Variants in GALNTL6 observed in about 807,000 individuals in gnomAD.
GALNTL6 encodes polypeptide N-acetylgalactosaminyltransferase like 6.
A neutral mutation model predicts 73.7 loss-of-function variants in GALNTL6; 46 were observed. The observed-to-expected ratio is 0.62, with a 90% confidence interval of 0.49 to 0.80. GALNTL6 has a LOEUF of 0.80. Ranked by LOEUF, GALNTL6 falls within the 30% of genes least tolerant of loss-of-function variation. The pLI, the probability that GALNTL6 is intolerant of heterozygous loss-of-function variation, is 0.00. For missense variants in GALNTL6, 604 were observed against 755.0 expected (o/e 0.80, Z 2.34); for synonymous variants, 259 against 263.7 (o/e 0.98, Z 0.17).
intron 5 of GALNTL6, among the ~76,000 whole-genome samples, chr4:172,502,868 CCTT>C (rs1309878405): frequency 6.6e-6 from 1 of 152,134 alleles, no homozygotes; most frequent in East Asian, 1.9e-4. Context: ...AGCAGCATGG[CCTT>C]CTTACACTTT....
At chr4:172,712,689 T>C (rs1288275043) in intron 5 of GALNTL6, among the ~76,000 whole-genome samples, 1 of 152,196 alleles carries the variant, frequency 6.6e-6, no homozygotes, top group Non-Finnish European at 1.5e-5. Flanking sequence ...CTGTGCCATT[T>C]GTGAAACAAG....
At chr4:172,751,092 A>G (rs1246810238) in intron 5 of GALNTL6, among the ~76,000 whole-genome samples, 2 of 152,186 alleles carry the variant, frequency 1.3e-5, no homozygotes, top group African/African-American at 4.8e-5. Context: ...GTTGAGGCAT[A>G]TGTGGTTTGT....
Position 172,432,896 on chromosome 4 carries a change from A to G in GALNTL6, c.553+84207A>G, listed in dbSNP as rs576908626. On this transcript the variant is annotated intron_variant, in intron 5 of 12. Coordinates refer to ENST00000506823, the MANE Select transcript of GALNTL6 (RefSeq NM_001034845.3). ...GCTGGATAGCTTTACAATACTATCAATCTAACTTTTACCTTCTATTAATAT... is the reference window on the plus strand; with the variant it reads ...GCTGGATAGCTTTACAATACTATCAGTCTAACTTTTACCTTCTATTAATAT... 5.3e-5 allele frequency among the ~76,000 whole-genome samples: 8 copies of G among 152,322 alleles called. No individual in the cohort carries two copies. In the East Asian group the frequency reaches 5.8e-4, roughly 11 times the overall value.
chr4:172,075,825 A>C (rs923776905), intron 2 of GALNTL6, among the ~76,000 whole-genome samples: 1 of 152,190 alleles, frequency 6.6e-6, no homozygotes, highest in Admixed American at 6.5e-5. Flanking sequence ...AATCATATAG[A>C]ACAATACAGA....
intron 5 of GALNTL6, among the ~76,000 whole-genome samples, chr4:172,393,644 A>G (rs1014118253): frequency 6.6e-6 from 1 of 152,208 alleles, no homozygotes; most frequent in Admixed American, 6.5e-5. Context: ...TACAAATGAC[A>G]TATATTTTTG....
chr4:172,357,542 T>A (rs997846946), intron 5 of GALNTL6, among the ~76,000 whole-genome samples: 1 of 151,852 alleles, frequency 6.6e-6, no homozygotes, highest in Non-Finnish European at 1.5e-5. Context: ...TAAATACACA[T>A]CCTTTATTTT....
intron 5 of GALNTL6, among the ~76,000 whole-genome samples, chr4:172,503,786 C>T (rs141627479): frequency 6.6e-5 from 10 of 151,436 alleles, no homozygotes; most frequent in East Asian, 1.9e-4. Context: ...AAATTAAGTG[C>T]GAGAGGCAAT....
intron 5 of GALNTL6, among the ~76,000 whole-genome samples, chr4:172,656,581 G>A (rs1442305127): frequency 1.3e-5 from 2 of 152,144 alleles, no homozygotes; most frequent in African/African-American, 4.8e-5. Flanking sequence ...ACCCATGTAT[G>A]CAATGACACG....
chr4:172,204,185 T>C (rs1478534377), intron 2 of GALNTL6, among the ~76,000 whole-genome samples: 2 of 152,160 alleles, frequency 1.3e-5, no homozygotes, highest in Non-Finnish European at 2.9e-5. Flanking sequence ...TAATGAAAGA[T>C]GTTTGTACTA....
chr4:172,796,187 C>G (rs939505297), intron 5 of GALNTL6, among the ~76,000 whole-genome samples: 2 of 151,828 alleles, frequency 1.3e-5, no homozygotes, highest in African/African-American at 4.8e-5. Flanking sequence ...TGTATTAAGT[C>G]TCTTTCTACT....
intron 5 of GALNTL6, among the ~76,000 whole-genome samples, chr4:172,367,098 A>C: frequency 6.6e-6 from 1 of 152,148 alleles, no homozygotes; most frequent in African/African-American, 2.4e-5. Flanking sequence ...GGCATACCTG[A>C]GTGTAAGCAG....
rs187665079 is a variant in GALNTL6, at chr4:172,414,471, G to A, written c.553+65782G>A. Among the ~76,000 whole-genome samples, 336 of 151,832 alleles carry A rather than the reference G, an allele frequency of 2.2e-3. 1 individual carries two copies. The highest frequency in any genetic ancestry group is 7.2e-3 in the African/African-American group (297 of 41,424). On this transcript the variant is annotated intron_variant, in intron 5 of 12. Transcript: ENST00000506823. Reference sequence around the variant, plus strand: ...TAGCATCCCCAGATGCTAAATATTCGCTGTAGATTTTCTTTCAATATAGAA... The same window carrying A: ...TAGCATCCCCAGATGCTAAATATTCACTGTAGATTTTCTTTCAATATAGAA...
chr4:172,159,312 C>A (rs541161967), intron 2 of GALNTL6, among the ~76,000 whole-genome samples: 4 of 152,110 alleles, frequency 2.6e-5, no homozygotes, highest in Admixed American at 6.5e-5. Flanking sequence ...GTGAGCAAAT[C>A]GGTTATTGTC....
rs150887654 is a variant in GALNTL6, at chr4:172,065,087, T to C, written c.139-164569T>C. Among the ~76,000 whole-genome samples the C allele has an allele frequency of 6.2e-4, 94 of 152,222 alleles. 1 individual carries two copies. In the East Asian group the frequency reaches 0.018, roughly 30 times the overall value. Reference sequence around the variant, plus strand: ...AATATCTTAGAGTTGGTGTTATTTTTAGTCCCACTATATCAGCAGTCCCCA... The same window carrying C: ...AATATCTTAGAGTTGGTGTTATTTTCAGTCCCACTATATCAGCAGTCCCCA... On this transcript the variant is annotated intron_variant, in intron 2 of 12. Coordinates refer to ENST00000506823, the MANE Select transcript of GALNTL6 (RefSeq NM_001034845.3).
chr4:172,187,760 A>G (rs1462873991), intron 2 of GALNTL6, among the ~76,000 whole-genome samples: 2 of 152,250 alleles, frequency 1.3e-5, no homozygotes, highest in East Asian at 1.9e-4. Flanking sequence ...ATAATGAATT[A>G]TTTAAAACTA....
intron 2 of GALNTL6, among the ~76,000 whole-genome samples, chr4:172,106,229 A>T (rs2110970182): frequency 6.6e-6 from 1 of 152,282 alleles, no homozygotes; most frequent in East Asian, 1.9e-4. Flanking sequence ...CAACAATAAA[A>T]ATACAGTTTG....
At chr4:172,054,572 T>C (rs1206261894) in intron 2 of GALNTL6, among the ~76,000 whole-genome samples, 1 of 152,162 alleles carries the variant, frequency 6.6e-6, no homozygotes, top group African/African-American at 2.4e-5. Flanking sequence ...TATTTTCACA[T>C]GTTGGAAAGG....
At chr4:172,264,102 A>C (rs28529297) in intron 3 of GALNTL6, among the ~76,000 whole-genome samples, 85,748 of 151,224 alleles carry the variant, frequency 0.57, 25,526 homozygotes, top group African/African-American at 0.77. Context: ...TATAAACAGG[A>C]ATCCAACTAA....
intron 2 of GALNTL6, among the ~76,000 whole-genome samples, chr4:172,144,762 A>G (rs1443256868): frequency 1.3e-5 from 2 of 152,172 alleles, no homozygotes; most frequent in African/African-American, 2.4e-5. Flanking sequence ...TCAAACCTTC[A>G]TTGAGCATTA....
Sources: allele counts gnomAD v4.1 joint callset (sites outside exome capture counted in the v4.1 genomes callset), GRCh38; gene constraint gnomAD v4.1.1; transcripts MANE v1.5; gene names NCBI Gene and HGNC (gene_info 2026-07-23, HGNC 2026-07-21).